Variants in GSE1 observed in about 807,000 individuals in gnomAD.
The protein encoded by GSE1 is genetic suppressor element 1.
GSE1 carries 32 observed loss-of-function variants against 112.6 expected under a neutral mutation model. The ratio of observed to expected loss-of-function variants is 0.28; its 90% confidence interval spans 0.21 to 0.38. The LOEUF (loss-of-function observed/expected upper bound fraction) is 0.38, where lower values mean the gene tolerates loss of function less well. GSE1 is among the 10% of genes least tolerant of loss of function. The pLI, the probability that GSE1 is intolerant of heterozygous loss-of-function variation, is 1.00. For missense variants in GSE1, 2,348 were observed against 1,699.2 expected (o/e 1.38, Z -6.71); for synonymous variants, 1,115 against 735.6 (o/e 1.52, Z -8.35).
chr16:85,662,315 G>A (rs1242603855), intron 9 of GSE1: 1 of 154,968 alleles, frequency 6.5e-6, no homozygotes, highest in Non-Finnish European at 1.4e-5. Context: ...GAGCAACCGA[G>A]CAGGCGAGAG....
At chr16:85,313,626 G>T (rs189908078) in intron 1 of GSE1, among the ~76,000 whole-genome samples, 1 of 152,198 alleles carries the variant, frequency 6.6e-6, no homozygotes, top group Non-Finnish European at 1.5e-5. Context: ...CCCTAGGCTG[G>T]GGGGTGGGGA....
intron 2 of GSE1, among the ~76,000 whole-genome samples, chr16:85,426,526 G>GGGTGGA (rs1555510137): frequency 2.2e-5 from 3 of 133,726 alleles, no homozygotes; most frequent in Non-Finnish European, 4.6e-5. Context: ...GGGTGGAAGG[G>GGGTGGA]TGGGTGGATG....
chr16:85,294,939 C>CG (rs1184882787), intron 1 of GSE1, among the ~76,000 whole-genome samples: 2 of 151,414 alleles, frequency 1.3e-5, no homozygotes, highest in African/African-American at 2.4e-5. Context: ...TTTGCAGAGA[C>CG]GGGGTCTCAC....
At chr16:85,613,019 C>T, upstream of GSE1, 1 of 301,406 alleles carries the variant, frequency 3.3e-6, no homozygotes, top group East Asian at 7.7e-5. Flanking sequence ...TCCGCGGCCC[C>T]GCTGGTGTCC....
At chr16:85,655,999 T>G in intron 6 of GSE1, 82 bp downstream of exon 6, 1 of 1,119,592 alleles carries the variant, frequency 8.9e-7, no homozygotes, top group Non-Finnish European at 1.3e-6. Flanking sequence ...GGCTGGAACC[T>G]GACTGGACTC....
intron 1 of GSE1, among the ~76,000 whole-genome samples, chr16:85,270,785 G>A (rs1908753010): frequency 6.6e-6 from 1 of 151,906 alleles, no homozygotes; most frequent in South Asian, 2.1e-4. Context: ...TTCCTTATGA[G>A]GTCTCGCCAT....
intron 2 of GSE1, among the ~76,000 whole-genome samples, chr16:85,360,355 C>G (rs866567476): frequency 4.6e-4 from 70 of 152,274 alleles, no homozygotes; most frequent in African/African-American, 1.6e-3. Context: ...CCAGGAGCCC[C>G]TGCCCTGCGG....
intron 2 of GSE1, among the ~76,000 whole-genome samples, chr16:85,489,055 T>C (rs2050929330): frequency 6.6e-6 from 1 of 152,122 alleles, no homozygotes. Flanking sequence ...TCCGCAGACC[T>C]TTCTGTCATG....
intron 2 of GSE1, among the ~76,000 whole-genome samples, chr16:85,375,489 G>A (rs922587384): frequency 1.3e-5 from 2 of 152,242 alleles, no homozygotes; most frequent in African/African-American, 2.4e-5. Context: ...CCACAGCTGG[G>A]CAGCACCAGT....
At chr16:85,452,543 C>G (rs771390488) in intron 2 of GSE1, among the ~76,000 whole-genome samples, 10 of 152,252 alleles carry the variant, frequency 6.6e-5, no homozygotes, top group African/African-American at 9.6e-5. Flanking sequence ...AGCCCCTGGT[C>G]TAAAGGACGC....
At position 85,672,608 on chromosome 16, in the gene GSE1, A is replaced by T. The variant is rs1001874567; in HGVS notation, c.*69A>T. The T allele has an allele frequency of 9.1e-7, 1 of 1,104,158 alleles. No homozygotes were observed. Among genetic ancestry groups the T allele is most frequent in the African/African-American group, 1.6e-5 (1 of 63,240 alleles). The allele number at this position is 1,104,158 out of a possible 1,614,324, so 68.4% of individuals were successfully genotyped here. A position where few individuals can be genotyped will look rare whatever the true frequency, so the allele number is the denominator to read the frequency against. ...ATCTATTTTATTACCTTGAATATTT[A>T]ATATTTTTCACTGGGAGGTTTGAAG... On this transcript the variant is annotated 3_prime_UTR_variant, in exon 16 of 16. Transcript: ENST00000253458.
chr16:85,184,278 C>T (rs2074655124), intron 1 of GSE1, among the ~76,000 whole-genome samples: 1 of 152,234 alleles, frequency 6.6e-6, no homozygotes. Context: ...ATGCCTGTGG[C>T]TCCCCAGTGA....
chr16:85,383,525 GCGTCTCTCTCTCTCTCTCTCTC>G (rs2151627009), intron 2 of GSE1, among the ~76,000 whole-genome samples: 1 of 116,544 alleles, frequency 8.6e-6, no homozygotes, highest in South Asian at 2.9e-4. Flanking sequence ...ACGCACACCT[GCGTCTCTCTCTCTCTCTCTCTC>G]TCTCTCTCTC....
At chr16:85,353,996 G>A (rs1180934249) in intron 1 of GSE1, among the ~76,000 whole-genome samples, 1 of 152,168 alleles carries the variant, frequency 6.6e-6, no homozygotes, top group East Asian at 1.9e-4. Context: ...CTGGCGCCTT[G>A]TGCAGGTGCC....
At chr16:85,463,216 C>T (rs971191911) in intron 2 of GSE1, 16 of 579,708 alleles carry the variant, frequency 2.8e-5, no homozygotes, top group African/African-American at 8.0e-5. Flanking sequence ...GGGCTGGAAC[C>T]TGGCCCCGCA....
At chr16:85,402,813 G>C (rs1412282660) in intron 2 of GSE1, among the ~76,000 whole-genome samples, 2 of 152,116 alleles carry the variant, frequency 1.3e-5, no homozygotes, top group African/African-American at 2.4e-5. Context: ...TACTTGGGAG[G>C]CTGGGGCGGG....
chr16:85,344,517 A>G (rs1398036251), intron 1 of GSE1, among the ~76,000 whole-genome samples: 1 of 152,194 alleles, frequency 6.6e-6, no homozygotes, highest in Non-Finnish European at 1.5e-5. Context: ...GGCACATTTG[A>G]TGGGCACCAG....
chr16:85,273,072 A>G (rs1252831687), intron 1 of GSE1, among the ~76,000 whole-genome samples: 2 of 152,148 alleles, frequency 1.3e-5, no homozygotes, highest in East Asian at 1.9e-4. Context: ...CACTGTGCCC[A>G]GCCCATGGGG....
At chr16:85,653,372 C>T (rs1296677191) in intron 3 of GSE1, among the ~76,000 whole-genome samples, 1 of 136,670 alleles carries the variant, frequency 7.3e-6, no homozygotes, top group Non-Finnish European at 1.6e-5. Context: ...TTTTCATGCT[C>T]TGGTTTCTCC....
Sources: allele counts gnomAD v4.1 joint callset (sites outside exome capture counted in the v4.1 genomes callset), GRCh38; gene constraint gnomAD v4.1.1; transcripts MANE v1.5; gene names NCBI Gene and HGNC (gene_info 2026-07-23, HGNC 2026-07-21).